Variants in MCTP2 observed in about 807,000 individuals in gnomAD.
MCTP2 encodes multiple C2 and transmembrane domain-containing protein 2.
Under a neutral mutation model 111.6 loss-of-function variants are expected in MCTP2, and 132 were observed. The observed-to-expected ratio is 1.18, with a 90% confidence interval of 1.03 to 1.37. The LOEUF is 1.37. MCTP2 is among the 40% of genes most tolerant of loss of function. The probability of loss-of-function intolerance (pLI) is 0.00; values close to 1 mark genes in which losing one functional copy is unlikely to be tolerated. For synonymous variants in MCTP2, 395 were observed against 387.7 expected (o/e 1.02, Z -0.22); for missense variants, 1,183 against 1,067.9 (o/e 1.11, Z -1.50).
intron 2 of MCTP2, among the ~76,000 whole-genome samples, chr15:94,308,947 A>G (rs943073576): frequency 2.6e-5 from 4 of 152,224 alleles, no homozygotes; most frequent in Admixed American, 2.6e-4. Context: ...CACACACACG[A>G]TTCAGATTTT....
Position 94,257,566 on chromosome 15 carries a change from GTTGTTTTTTTTT to G in MCTP2, c.-66+25905_-66+25916del, listed in dbSNP as rs2072872223. 4.9e-4 allele frequency among the ~76,000 whole-genome samples: 36 copies of G among 73,006 alleles called. 2 individuals carry two copies. The highest frequency in any genetic ancestry group is 8.5e-4 in the African/African-American group (17 of 20,068). 47.9% of individuals were successfully genotyped at this position (73,006 alleles called of 152,430 possible). A position where few individuals can be genotyped will look rare whatever the true frequency, so the allele number is the denominator to read the frequency against. On this transcript the variant is annotated intron_variant, in intron 1 of 22. Transcript: ENST00000357742. ...AAAAATATTTGTTGTCATTTTCTTT[GTTGTTTTTTTTT>G]TTTTTTTTTTTTTTTTTTTTTTTTT...
chr15:94,457,193 T>C (rs959836924), intron 19 of MCTP2, among the ~76,000 whole-genome samples: 1 of 152,130 alleles, frequency 6.6e-6, no homozygotes, highest in Non-Finnish European at 1.5e-5. Context: ...GAGGTAGAAG[T>C]TGAGAGCTCA....
At chr15:94,276,617 A>G (rs2074222955) in intron 1 of MCTP2, among the ~76,000 whole-genome samples, 1 of 136,560 alleles carries the variant, frequency 7.3e-6, no homozygotes, top group South Asian at 2.3e-4. Flanking sequence ...ATATGTTCGT[A>G]ATCTGAATTC....
intron 4 of MCTP2, among the ~76,000 whole-genome samples, chr15:94,330,676 C>G (rs752083466): frequency 1.3e-5 from 2 of 152,086 alleles, no homozygotes; most frequent in Non-Finnish European, 2.9e-5. Context: ...GTTTCTAAGC[C>G]GAAGTTCACA....
chr15:94,481,434 G>C lies in MCTP2; in HGVS notation c.*2400G>C, dbSNP rs2074720899. On this transcript the variant is annotated 3_prime_UTR_variant, in exon 23 of 23. Transcript: ENST00000357742. ...CAACCCCTAAAGCCTAGTAGGTCCA[G>C]TGTCAATGCATTAACCACTTCTGTT... 1 of 152,220 alleles carries C rather than the reference G, an allele frequency of 6.6e-6. No individual in the cohort carries two copies. Among genetic ancestry groups the C allele is most frequent in the Non-Finnish European group, 1.5e-5 (1 of 68,076 alleles). The allele number at this position is 152,220 out of a possible 1,614,324, so 9.4% of individuals were successfully genotyped here.
At chr15:94,280,080 G>C (rs1480411042) in intron 1 of MCTP2, among the ~76,000 whole-genome samples, 2 of 152,024 alleles carry the variant, frequency 1.3e-5, no homozygotes, top group African/African-American at 4.8e-5. Context: ...GCCAGGTATT[G>C]ATATCAGAAT....
intron 1 of MCTP2, among the ~76,000 whole-genome samples, chr15:94,267,865 C>CTTTCTTTTT: frequency 5.5e-5 from 1 of 18,290 alleles, no homozygotes; most frequent in African/African-American, 3.3e-4. Flanking sequence ...CTTTCCTTTT[C>CTTTCTTTTT]TTTCTTTTTT....
At chr15:94,352,241 T>G (rs1006321728) in intron 8 of MCTP2, among the ~76,000 whole-genome samples, 1 of 152,236 alleles carries the variant, frequency 6.6e-6, no homozygotes, top group Non-Finnish European at 1.5e-5. Context: ...GTTTCTCCCC[T>G]TCCTGCCTCG....
intron 1 of MCTP2, among the ~76,000 whole-genome samples, chr15:94,254,379 G>C (rs1171057974): frequency 6.6e-6 from 1 of 152,136 alleles, no homozygotes; most frequent in Admixed American, 6.5e-5. Flanking sequence ...AACCTGGTTC[G>C]AATCCTGGCA....
chr15:94,402,673 T>C (rs1596597979), intron 17 of MCTP2: 3 of 1,504,530 alleles, frequency 2.0e-6, no homozygotes, highest in East Asian at 4.9e-5. Flanking sequence ...GCCTTCACTT[T>C]ATATCTCAGG....
intron 11 of MCTP2, among the ~76,000 whole-genome samples, chr15:94,368,391 T>C (rs758821160): frequency 6.6e-6 from 1 of 152,230 alleles, no homozygotes; most frequent in Non-Finnish European, 1.5e-5. Context: ...TACTCTGGCT[T>C]TCTAGGTGCC....
chr15:94,301,143 T>C (rs1351554498), intron 2 of MCTP2, among the ~76,000 whole-genome samples: 1 of 152,196 alleles, frequency 6.6e-6, no homozygotes, highest in Non-Finnish European at 1.5e-5. Flanking sequence ...TGCTCCTCTT[T>C]TTCTGACCTA....
At position 94,303,061 on chromosome 15, in the gene MCTP2, A is replaced by AATAT. The variant is rs144576513; in HGVS notation, c.465+4341_465+4344dup. On this transcript the variant is annotated intron_variant, in intron 2 of 22. Coordinates refer to ENST00000357742, the MANE Select transcript of MCTP2 (RefSeq NM_001385001.1). ...TTCTCTAGAGGGGCAGAACTAATGG[A>AATAT]ATATATATATATAGTTTATATATAT... Among the ~76,000 whole-genome samples, 539 of 112,398 alleles carry AATAT rather than the reference A, an allele frequency of 4.8e-3. 3 individuals carry two copies. The highest frequency in any genetic ancestry group is 0.013 in the African/African-American group (339 of 25,330). The allele number at this position is 112,398 out of a possible 152,430, so 73.7% of individuals were successfully genotyped here. A position where few individuals can be genotyped will look rare whatever the true frequency, so the allele number is the denominator to read the frequency against.
chr15:94,473,863 T>C (rs1192418352), intron 21 of MCTP2, among the ~76,000 whole-genome samples: 1 of 152,172 alleles, frequency 6.6e-6, no homozygotes, highest in Non-Finnish European at 1.5e-5. Context: ...TGAAAAATGG[T>C]GTTTTAATTG....
chr15:94,358,636 G>A, intron 10 of MCTP2, 24 bp downstream of exon 10: 1 of 1,611,858 alleles, frequency 6.2e-7, no homozygotes, highest in African/African-American at 1.3e-5. Flanking sequence ...GCTTTCCAGT[G>A]GCGGGAGCAT....
intron 1 of MCTP2, among the ~76,000 whole-genome samples, chr15:94,275,182 A>C (rs2074125127): frequency 1.3e-5 from 2 of 152,212 alleles, no homozygotes; most frequent in African/African-American, 4.8e-5. Context: ...TATCTTAGAA[A>C]GTCTACAGAA....
chr15:94,329,621 G>C (rs1369866846), intron 4 of MCTP2, among the ~76,000 whole-genome samples: 1 of 152,130 alleles, frequency 6.6e-6, no homozygotes, highest in African/African-American at 2.4e-5. Flanking sequence ...GGATGATGCA[G>C]AGCCATTCAT....
intron 21 of MCTP2, among the ~76,000 whole-genome samples, chr15:94,472,790 CTAGAATA>C (rs1236499556): frequency 1.3e-5 from 2 of 152,152 alleles, no homozygotes; most frequent in Non-Finnish European, 2.9e-5. Flanking sequence ...CCATGCCATC[CTAGAATA>C]TATTCTGTAA....
chr15:94,233,570 C>G (rs1458562963), intron 1 of MCTP2, among the ~76,000 whole-genome samples: 2 of 151,982 alleles, frequency 1.3e-5, no homozygotes, highest in African/African-American at 2.4e-5. Flanking sequence ...CTGGAAAGGA[C>G]TTTGTGTTTG....
Sources: gnomAD v4.1 joint callset for allele counts (sites outside exome capture counted in the v4.1 genomes callset) on GRCh38, gnomAD v4.1.1 for gene constraint, MANE v1.5 for transcripts, NCBI Gene and HGNC (gene_info 2026-07-23, HGNC 2026-07-21) for gene names.